NECTIN2: variants seen among roughly 807,000 people sequenced by gnomAD.
The protein encoded by NECTIN2 is nectin cell adhesion molecule 2, also known as nectin-2.
In NECTIN2, 23 loss-of-function variants were observed where a neutral mutation model predicts 56.9. The ratio of observed to expected loss-of-function variants is 0.40; its 90% CI spans 0.29 to 0.57. NECTIN2 has a LOEUF of 0.57. Ranked by LOEUF, NECTIN2 falls within the 20% of genes least tolerant of loss-of-function variation. The probability of loss-of-function intolerance (pLI) is 0.38; values close to 1 mark genes in which losing one functional copy is unlikely to be tolerated. For missense variants in NECTIN2, 587 were observed against 718.3 expected (o/e 0.82, Z 2.09); for synonymous variants, 302 against 313.8 (o/e 0.96, Z 0.40).
In NECTIN2 at chr19:44,874,626, G is replaced by A. The variant is rs573629034; in HGVS notation, c.1042+148G>A. On this transcript the variant is annotated intron_variant, in intron 5 of 8. Coordinates refer to ENST00000252483, the MANE Select transcript of NECTIN2 (RefSeq NM_001042724.2). The surrounding 1 kb of genome is among the most constrained non-coding windows in gnomAD (Gnocchi z 6.3). ...CCTGGCTGAGGGGAGATGAGGGTTG[G>A]CCTTCCCCTCGTGGCCTCAGACTGG... The A allele has an allele frequency of 2.8e-4, 287 of 1,021,266 alleles. 2 individuals are homozygous for A. The African/African-American group carries it at 3.8e-3, about 13-fold the overall frequency. The allele number at this position is 1,021,266 out of a possible 1,614,324, so 63.3% of individuals were successfully genotyped here.
chr19:44,851,211 C>T (rs537723184), intron 1 of NECTIN2, among the ~76,000 whole-genome samples: 161 of 151,312 alleles, frequency 1.1e-3, no homozygotes, highest in Non-Finnish European at 1.9e-3. Context: ...ACCAGTGCTT[C>T]CTCCCTCAGA....
At chr19:44,853,786 G>T (rs1968930793) in intron 1 of NECTIN2, among the ~76,000 whole-genome samples, 1 of 152,018 alleles carries the variant, frequency 6.6e-6, no homozygotes, top group Non-Finnish European at 1.5e-5. Flanking sequence ...TGCGCCCAGG[G>T]ATTTTAGAAC....
chr19:44,871,005 C>T (rs1303355541), intron 2 of NECTIN2, among the ~76,000 whole-genome samples: 1 of 152,170 alleles, frequency 6.6e-6, no homozygotes, highest in East Asian at 1.9e-4. Flanking sequence ...GCTGGGATTA[C>T]AGGCATGAGC....
intron 5 of NECTIN2, chr19:44,879,054 C>T (rs973099892): frequency 2.6e-5 from 11 of 420,930 alleles, no homozygotes; most frequent in East Asian, 1.5e-4. Flanking sequence ...CCCCGGGGAA[C>T]GAGAGCCTGG....
chr19:44,848,242 C>T (rs1287318983), intron 1 of NECTIN2, among the ~76,000 whole-genome samples: 1 of 152,160 alleles, frequency 6.6e-6, no homozygotes, highest in African/African-American at 2.4e-5. Flanking sequence ...ATTCTCCGAA[C>T]CCACCAGACC....
intron 6 of NECTIN2, among the ~76,000 whole-genome samples, chr19:44,885,368 G>A (rs1969349915): frequency 6.8e-6 from 1 of 146,516 alleles, no homozygotes; most frequent in Admixed American, 6.9e-5. Context: ...ACAGGCTGGA[G>A]TGGAGTGATC....
At chr19:44,872,947 AC>A (rs1230000362) in intron 3 of NECTIN2, among the ~76,000 whole-genome samples, 3 of 147,040 alleles carry the variant, frequency 2.0e-5, no homozygotes, top group Non-Finnish European at 3.0e-5. Context: ...TACAGGCTCC[AC>A]CCCCCGGGCC....
intron 1 of NECTIN2, among the ~76,000 whole-genome samples, chr19:44,859,241 A>G (rs1969004313): frequency 6.6e-6 from 1 of 152,190 alleles, no homozygotes; most frequent in South Asian, 2.1e-4. Context: ...ACCTGTAATT[A>G]AACTGAGCTT....
At chr19:44,873,558 A>G (rs1969201413) in intron 3 of NECTIN2, among the ~76,000 whole-genome samples, 1 of 152,146 alleles carries the variant, frequency 6.6e-6, no homozygotes, top group Non-Finnish European at 1.5e-5. Flanking sequence ...GCTTGAGCCC[A>G]GGACGTGGAG....
Position 44,865,487 on chromosome 19 carries a change from G to A in NECTIN2, c.305G>A (p.Arg102Gln), listed in dbSNP as rs746859514. The stretch of plus-strand genomic sequence containing the variant: ...CCCAGCCCGAAGCCTGGCAGCGAGC[G>A]GCTGTCCTTCGTCTCTGCCAAGCAG... Reference protein sequence around the residue: ...SFPSPKPGSERLSFVSAKQST... With the variant: ...SFPSPKPGSEQLSFVSAKQST... The change falls in exon 2 of 9, where the codon CGG (arginine) becomes CAG (glutamine). Residue 102 changes from arginine (R) to glutamine (Q), a missense_variant. Physicochemically the swap from Arg to Gln is conservative, Grantham distance 43 (BLOSUM62 1). Coordinates refer to ENST00000252483, the MANE Select transcript of NECTIN2 (RefSeq NM_001042724.2). The surrounding 1 kb of genome is among the most constrained non-coding windows in gnomAD (Gnocchi z 5.2). 17 of 1,610,306 alleles carry A rather than the reference G, an allele frequency of 1.1e-5. No homozygotes were observed. Among genetic ancestry groups the A allele is most frequent in the African/African-American group, 2.7e-5 (2 of 74,816 alleles).
intron 2 of NECTIN2, among the ~76,000 whole-genome samples, chr19:44,867,609 G>A (rs1336722064): frequency 6.6e-6 from 1 of 152,228 alleles, no homozygotes; most frequent in Non-Finnish European, 1.5e-5. Flanking sequence ...AGTCTGAGAA[G>A]GAGCTACCTT....
In NECTIN2 at chr19:44,874,505, G is replaced by A; in HGVS notation, c.1042+27G>A. 10 of 1,610,176 alleles carry A rather than the reference G, an allele frequency of 6.2e-6. No individual in the cohort carries two copies. The highest frequency in any genetic ancestry group is 8.5e-6 in the Non-Finnish European group (10 of 1,179,856). ...TGAGTGGGTCTTGGGGGCCGTGTGT[G>A]GAGACCTGGGTCCGCTCCCCTGGAG... On this transcript the variant is annotated intron_variant, in intron 5 of 8. Coordinates refer to ENST00000252483, the MANE Select transcript of NECTIN2 (RefSeq NM_001042724.2). This position sits in a 1 kb window ranked among gnomAD's most constrained non-coding sequence, Gnocchi z 6.3.
At chr19:44,861,180 C>CCG (rs1399081860) in intron 1 of NECTIN2, among the ~76,000 whole-genome samples, 1 of 152,052 alleles carries the variant, frequency 6.6e-6, no homozygotes, top group Non-Finnish European at 1.5e-5. Flanking sequence ...AGTAAAGGGA[C>CCG]CGCTTACCCA....
chr19:44,862,181 C>T (rs1465954716), intron 1 of NECTIN2, among the ~76,000 whole-genome samples: 1 of 152,040 alleles, frequency 6.6e-6, no homozygotes, highest in East Asian at 1.9e-4. Context: ...TTTGAGAGGC[C>T]GAGGCGGCGG....
chr19:44,869,681 A>C (rs991196265), intron 2 of NECTIN2, among the ~76,000 whole-genome samples: 3 of 151,914 alleles, frequency 2.0e-5, no homozygotes, highest in African/African-American at 7.3e-5. Flanking sequence ...GGGAGCATAG[A>C]TTGAAGTTGC....
intron 3 of NECTIN2, 127 bp downstream of exon 3, chr19:44,872,276 C>T (rs891774832): frequency 1.0e-6 from 1 of 974,054 alleles, no homozygotes; most frequent in African/African-American, 1.6e-5. Flanking sequence ...GCACTACCTT[C>T]CTGCCATTGT....
At chr19:44,852,489 C>A (rs1968911372) in intron 1 of NECTIN2, among the ~76,000 whole-genome samples, 1 of 145,530 alleles carries the variant, frequency 6.9e-6, no homozygotes, top group African/African-American at 2.6e-5. Context: ...ACTCAGGAGG[C>A]TGAGGCAGGA....
intron 5 of NECTIN2, among the ~76,000 whole-genome samples, chr19:44,879,477 G>A (rs537588323): frequency 4.0e-5 from 6 of 150,918 alleles, no homozygotes; most frequent in South Asian, 4.3e-4. Context: ...TGGGGCAGGC[G>A]GGGGGTGCTG....
intron 6 of NECTIN2, 145 bp from the exon 7 acceptor site, chr19:44,885,792 G>A: frequency 1.4e-6 from 1 of 692,524 alleles, no homozygotes. Flanking sequence ...GGAATTCATG[G>A]AATGAATAAA....
Sources: gnomAD v4.1 joint callset for allele counts (sites outside exome capture counted in the v4.1 genomes callset) on GRCh38, gnomAD v4.1.1 for gene constraint, Gnocchi (gnomAD v3.1) non-coding constraint, MANE v1.5 for transcripts, NCBI Gene and HGNC (gene_info 2026-07-23, HGNC 2026-07-21) for gene names.